The following CPLANE1 variants were observed in gnomAD, a reference collection of about 807,000 sequenced individuals.
CPLANE1 encodes ciliogenesis and planar polarity effector 1.
CPLANE1 carries 263 observed loss-of-function variants against 362.5 expected under a neutral mutation model. The observed-to-expected ratio is 0.73, with a 90% CI of 0.66 to 0.80. The LOEUF (loss-of-function observed/expected upper bound fraction) is 0.80, where lower values mean the gene tolerates loss of function less well. Ranked by LOEUF, CPLANE1 falls within the 30% of genes least tolerant of loss-of-function variation. The pLI is 0.00. For missense variants in CPLANE1, 3,461 were observed against 3,793.4 expected, an observed-to-expected ratio of 0.91 and a Z score of 2.30; for synonymous variants, 1,212 against 1,302.6, an observed-to-expected ratio of 0.93 and a Z score of 1.50.
At chr5:37,077,342 C>CTT in the CPLANE1 span, among the ~76,000 whole-genome samples, 1 of 152,128 alleles carries the variant, frequency 6.6e-6, no homozygotes, top group Non-Finnish European at 1.5e-5. Context: ...CTCAAGTTCA[C>CTT]TTTTCATCAC....
intron 46 of CPLANE1, among the ~76,000 whole-genome samples, chr5:37,136,691 C>G (rs1580056579): frequency 6.6e-6 from 1 of 152,244 alleles, no homozygotes; most frequent in Non-Finnish European, 1.5e-5. Flanking sequence ...CCTCTGAAAT[C>G]TACTAGAAGG....
intron 29 of CPLANE1, among the ~76,000 whole-genome samples, chr5:37,178,822 C>A (rs533476950): frequency 6.6e-6 from 1 of 152,166 alleles, no homozygotes; most frequent in East Asian, 1.9e-4. Flanking sequence ...TGTAGTAGCA[C>A]ATTACAGCTC....
intron 42 of CPLANE1, among the ~76,000 whole-genome samples, chr5:37,152,705 G>C (rs867866154): frequency 6.6e-6 from 1 of 152,042 alleles, no homozygotes; most frequent in Non-Finnish European, 1.5e-5. Context: ...AAGCAAAATA[G>C]GGAGAACTCG....
chr5:37,180,257 TTTG>T, intron 27 of CPLANE1, 74 bp from the exon 28 acceptor site: 1 of 1,059,098 alleles, frequency 9.4e-7, no homozygotes. Context: ...GGGTTTTTTT[TTTG>T]TTTTTTTTTT....
chr5:37,242,946 A>G (rs1800895079), intron 6 of CPLANE1, 67 bp downstream of exon 6: 5 of 1,092,322 alleles, frequency 4.6e-6, no homozygotes, highest in Non-Finnish European at 6.7e-6. Context: ...TGGGTGACAC[A>G]GCAAGACCCT....
chr5:37,209,788 A>AT lies in CPLANE1; in HGVS notation c.2921-3364dup. The AT allele has an allele frequency of 3.0e-6, 4 of 1,314,542 alleles. No homozygotes were observed. The highest frequency in any genetic ancestry group is 4.4e-6 in the Non-Finnish European group (4 of 909,498). 81.4% of individuals were successfully genotyped at this position (1,314,542 alleles called of 1,614,324 possible). The stretch of plus-strand genomic sequence containing the variant: ...GAAAACCAAAAAGGTTTTCTTATGC[A>AT]TTTTTTAAAAGGATTGGCAGAATAT... On this transcript the variant is annotated intron_variant, in intron 16 of 52. Coordinates refer to ENST00000651892, the MANE Select transcript of CPLANE1 (RefSeq NM_001384732.1). The surrounding 1 kb of genome is among the most constrained non-coding windows in gnomAD (Gnocchi z 4.6).
At chr5:37,109,227 A>G (rs1758427956) in intron 51 of CPLANE1, among the ~76,000 whole-genome samples, 1 of 152,230 alleles carries the variant, frequency 6.6e-6, no homozygotes, top group Non-Finnish European at 1.5e-5. Context: ...AGGTATGACA[A>G]TGCTGAAGTT....
At chr5:37,158,040 T>C in intron 39 of CPLANE1, 172 bp from the exon 40 acceptor site, 1 of 782,846 alleles carries the variant, frequency 1.3e-6, no homozygotes, top group Non-Finnish European at 2.0e-6. Context: ...AGGAAGTATG[T>C]ATTATTGGTC....
the CPLANE1 span, among the ~76,000 whole-genome samples, chr5:37,097,375 G>C: frequency 1.3e-5 from 2 of 152,058 alleles, no homozygotes; most frequent in Non-Finnish European, 2.9e-5. Context: ...TGACACATGG[G>C]ACATCATAAA....
intron 15 of CPLANE1, among the ~76,000 whole-genome samples, chr5:37,216,125 C>G (rs1484678380): frequency 6.6e-6 from 1 of 152,138 alleles, no homozygotes; most frequent in African/African-American, 2.4e-5. Flanking sequence ...GTGTGAGCCA[C>G]CATGACCACC....
At chr5:37,163,747 G>A (rs1449104367) in intron 37 of CPLANE1, among the ~76,000 whole-genome samples, 2 of 152,070 alleles carry the variant, frequency 1.3e-5, no homozygotes, top group African/African-American at 2.4e-5. Flanking sequence ...CCCTTAGATA[G>A]CTTCAGCATA....
At chr5:37,163,601 T>C (rs1211282338) in intron 37 of CPLANE1, among the ~76,000 whole-genome samples, 1 of 152,140 alleles carries the variant, frequency 6.6e-6, no homozygotes, top group Non-Finnish European at 1.5e-5. Context: ...GAAAAATATA[T>C]ATTTGGTCTA....
At chr5:37,225,832 G>C (rs1231018481) in intron 12 of CPLANE1, among the ~76,000 whole-genome samples, 2 of 124,566 alleles carry the variant, frequency 1.6e-5, no homozygotes, top group African/African-American at 6.0e-5. Flanking sequence ...CAGCCTGGGG[G>C]ACAAGAGTGT....
rs565779433 is a variant in CPLANE1, at chr5:37,159,519, G to A, written c.7691-1174C>T. On this transcript the variant is annotated intron_variant, in intron 38 of 52. Transcript: ENST00000651892. ...GTTTTAACATCTAAATTTCACAAACGTTAACTGCTTCTTATTTAACAGTAA... is the reference window on the plus strand; with the variant it reads ...GTTTTAACATCTAAATTTCACAAACATTAACTGCTTCTTATTTAACAGTAA... Among the ~76,000 whole-genome samples the A allele has an allele frequency of 4.6e-5, 7 of 152,112 alleles. No individual in the cohort carries two copies. The South Asian group carries it at 1.4e-3, about 31-fold the overall frequency.
intron 44 of CPLANE1, chr5:37,141,298 T>C: frequency 1.0e-6 from 1 of 985,356 alleles, no homozygotes; most frequent in Non-Finnish European, 1.2e-6. Context: ...TAGAACCCTC[T>C]ACCATCTAGC....
chr5:37,245,623 A>G, intron 3 of CPLANE1, 25 bp from the exon 4 acceptor site: 1 of 1,503,482 alleles, frequency 6.7e-7, no homozygotes. Flanking sequence ...GAAATGCAAT[A>G]CTTACAATCT....
intron 2 of CPLANE1, chr5:37,246,105 G>C: frequency 4.4e-6 from 1 of 226,118 alleles, no homozygotes; most frequent in Non-Finnish European, 8.4e-6. Context: ...AATTATAGGA[G>C]TGTCCTCTAA....
intron 44 of CPLANE1, chr5:37,141,538 A>G: frequency 1.0e-6 from 1 of 980,410 alleles, no homozygotes; most frequent in Non-Finnish European, 1.2e-6. Context: ...TCAGCTTCTT[A>G]ATAGGTTTTC....
intron 38 of CPLANE1, among the ~76,000 whole-genome samples, chr5:37,161,434 T>G (rs1273654849): frequency 6.6e-6 from 1 of 152,248 alleles, no homozygotes; most frequent in African/African-American, 2.4e-5. Context: ...TGATTAATAT[T>G]CATTTAATTC....
Sources: allele counts gnomAD v4.1 joint callset (sites outside exome capture counted in the v4.1 genomes callset), GRCh38; gene constraint gnomAD v4.1.1; non-coding constraint Gnocchi (gnomAD v3.1); transcripts MANE v1.5; gene names NCBI Gene and HGNC (gene_info 2026-07-23, HGNC 2026-07-21).